Variants in ZNF532 observed in about 807,000 individuals in gnomAD.
ZNF532 encodes zinc finger protein 532.
ZNF532 carries 22 observed loss-of-function variants against 89.3 expected under a neutral mutation model. The observed-to-expected ratio is 0.25, with a 90% CI of 0.18 to 0.35. The LOEUF is 0.35. Ranked by LOEUF, ZNF532 falls within the 10% of genes least tolerant of loss-of-function variation. ZNF532 has a pLI of 1.00. For synonymous variants in ZNF532, 606 were observed against 649.6 expected, an observed-to-expected ratio of 0.93 and a Z score of 1.02; for missense variants, 1,132 against 1,643.4, an observed-to-expected ratio of 0.69 and a Z score of 5.38.
chr18:58,923,328 C>G (rs2061273369), intron 3 of ZNF532, among the ~76,000 whole-genome samples: 1 of 151,098 alleles, frequency 6.6e-6, no homozygotes, highest in Non-Finnish European at 1.5e-5. Flanking sequence ...CTCACTGGAT[C>G]TAGAATGCTT....
intron 2 of ZNF532, among the ~76,000 whole-genome samples, chr18:58,881,140 C>T (rs184284944): frequency 1.3e-5 from 2 of 149,856 alleles, no homozygotes; most frequent in East Asian, 3.9e-4. Context: ...CTCGCTCTGT[C>T]GCCCGGGCTG....
intron 7 of ZNF532, among the ~76,000 whole-genome samples, chr18:58,969,905 G>C (rs2066299240): frequency 2.6e-5 from 3 of 116,004 alleles, no homozygotes; most frequent in South Asian, 2.9e-4. Context: ...TTTGCCCCGA[G>C]ATGGAGTCTC....
chr18:58,948,846 C>T lies in ZNF532; in HGVS notation c.2868+617C>T, dbSNP rs146452616. Among the ~76,000 whole-genome samples the T allele has an allele frequency of 1.3e-4, 20 of 152,242 alleles. No homozygotes were observed. The East Asian group carries it at 3.3e-3, about 25-fold the overall frequency. On this transcript the variant is annotated intron_variant, in intron 6 of 9. Coordinates refer to ENST00000591808, the MANE Select transcript of ZNF532 (RefSeq NM_001375912.1). ...TGCTGGGATTATAGGCATGAGCCAC[C>T]GCGCCTGGCCGAAGTTTTTCTTTTC...
In ZNF532 at chr18:58,919,430, G is replaced by A; in HGVS notation, c.1143G>A (p.Leu381=). The A allele has an allele frequency of 6.2e-7, 1 of 1,614,232 alleles. No homozygotes were observed. ...TCAAGAGAACAGTGACCAGGGTATT[G>A]CCAGAAGTGGATCTTGACTCTGGAA... ...GEIKRTVTRV[L]PEVDLDSGKK... is the part of the protein sequence containing the mutation. Residue 381 remains leucine, a synonymous_variant, in exon 3 of 10, where the codon TTG becomes TTA. Coordinates refer to ENST00000591808, the MANE Select transcript of ZNF532 (RefSeq NM_001375912.1). This position sits in a 1 kb window ranked among gnomAD's most constrained non-coding sequence, Gnocchi z 6.1.
At chr18:58,886,896 G>T (rs952241880) in intron 2 of ZNF532, among the ~76,000 whole-genome samples, 1 of 152,180 alleles carries the variant, frequency 6.6e-6, no homozygotes, top group African/African-American at 2.4e-5. Flanking sequence ...TTGGTTGTGG[G>T]TATGCTATTA....
chr18:58,931,772 AC>A (rs1222900279), intron 3 of ZNF532: 1 of 151,584 alleles, frequency 6.6e-6, no homozygotes. Context: ...CCCTGTCTGT[AC>A]AAAAAAAAAA....
chr18:58,928,440 G>A lies in ZNF532; in HGVS notation c.2347-5993G>A, dbSNP rs78657263. On this transcript the variant is annotated intron_variant, in intron 3 of 9. Transcript: ENST00000591808. ...TATGCTCAGTGACCCCCAAGAGCAGGTCTCTGGTAAGAGCTGTGTTGGAAT... is the reference window on the plus strand; with the variant it reads ...TATGCTCAGTGACCCCCAAGAGCAGATCTCTGGTAAGAGCTGTGTTGGAAT... 4.8e-3 allele frequency among the ~76,000 whole-genome samples: 729 copies of A among 152,332 alleles called. 7 individuals carry two copies. The highest frequency in any genetic ancestry group is 0.017 in the African/African-American group (700 of 41,556).
At chr18:58,869,014 A>T (rs2056736557) in intron 2 of ZNF532, among the ~76,000 whole-genome samples, 7 of 152,226 alleles carry the variant, frequency 4.6e-5, no homozygotes, top group African/African-American at 1.7e-4. Context: ...GTTTTAATAC[A>T]GTGGTAACTA....
intron 3 of ZNF532, among the ~76,000 whole-genome samples, chr18:58,928,251 T>A (rs2061684847): frequency 6.6e-6 from 1 of 152,138 alleles, no homozygotes; most frequent in Non-Finnish European, 1.5e-5. Context: ...GCCTTTAGCC[T>A]TCTGAGACTG....
At chr18:58,881,913 A>G (rs1433870538) in intron 2 of ZNF532, among the ~76,000 whole-genome samples, 1 of 152,196 alleles carries the variant, frequency 6.6e-6, no homozygotes, top group Non-Finnish European at 1.5e-5. Context: ...TTACAATACA[A>G]ATAGCTTCTT....
At chr18:58,888,726 AATTATATATATATATTTTATATATATAT>A in intron 2 of ZNF532, among the ~76,000 whole-genome samples, 1 of 53,302 alleles carries the variant, frequency 1.9e-5, no homozygotes, top group East Asian at 1.2e-3. Context: ...TATATATATA[AATTATATATATATATTTTATATATATAT>A]AAAATTAATA....
intron 5 of ZNF532, chr18:58,939,925 G>A (rs557644733): frequency 1.2e-4 from 22 of 188,968 alleles, no homozygotes; most frequent in South Asian, 5.3e-4. Flanking sequence ...CAAGAGTCTC[G>A]CTCTGTCGCC....
chr18:58,917,761 GT>G (rs1212069531), intron 2 of ZNF532, among the ~76,000 whole-genome samples: 3 of 151,908 alleles, frequency 2.0e-5, no homozygotes, highest in Middle Eastern at 3.2e-3. Flanking sequence ...TGCAGTAGCT[GT>G]GGATGCTGAT....
rs1027035845 is a variant in ZNF532 at position 58,865,252 on chromosome 18, A to T, written c.-261A>T. 6.6e-6 allele frequency: 1 copy of T among 151,988 alleles called. No homozygotes were observed. Among genetic ancestry groups the T allele is most frequent in the African/African-American group, 2.4e-5 (1 of 41,364 alleles). The allele number at this position is 151,988 out of a possible 1,614,324, so 9.4% of individuals were successfully genotyped here. On this transcript the variant is annotated 5_prime_UTR_variant, in exon 1 of 10. Transcript: ENST00000591808. ...AATGAACTGAGGGGTTTGTAATGGTAGTTTGTTTGTTGCTGGAGAATGCTA... is the reference window on the plus strand; with the variant it reads ...AATGAACTGAGGGGTTTGTAATGGTTGTTTGTTTGTTGCTGGAGAATGCTA...
chr18:58,863,715 G>T, upstream of ZNF532: 1 of 152,316 alleles, frequency 6.6e-6, no homozygotes, highest in South Asian at 1.9e-4. Flanking sequence ...CAGACGCCCG[G>T]GCTTGACCGC....
chr18:58,922,595 C>T (rs1196613174), intron 3 of ZNF532, among the ~76,000 whole-genome samples: 1 of 152,202 alleles, frequency 6.6e-6, no homozygotes, highest in Non-Finnish European at 1.5e-5. Flanking sequence ...TGGATGTCCT[C>T]CCATCTTGAC....
intron 2 of ZNF532, among the ~76,000 whole-genome samples, chr18:58,868,472 C>G (rs1395789971): frequency 1.3e-5 from 2 of 152,216 alleles, no homozygotes; most frequent in Admixed American, 6.5e-5. Context: ...CTTGCCGCCC[C>G]TCTGTAGTCA....
chr18:58,871,985 C>T (rs1003972765), intron 2 of ZNF532, among the ~76,000 whole-genome samples: 43 of 152,200 alleles, frequency 2.8e-4, no homozygotes, highest in African/African-American at 1.0e-3. Flanking sequence ...AATAAATAAA[C>T]ACAGTTTAAA....
At position 58,948,259 on chromosome 18, in the gene ZNF532, T is replaced by C. The variant is rs146614542; in HGVS notation, c.2868+30T>C. 2.5e-4 allele frequency: 400 copies of C among 1,575,354 alleles called. 3 individuals carry two copies. The African/African-American group carries it at 4.6e-3, about 18-fold the overall frequency. On this transcript the variant is annotated intron_variant, in intron 6 of 9. Coordinates refer to ENST00000591808, the MANE Select transcript of ZNF532 (RefSeq NM_001375912.1). ...GTGTGCATCTATCCTCTACTTTAAATGAATTGCAGATCCATTCATTGGTCA... is the reference window on the plus strand; with the variant it reads ...GTGTGCATCTATCCTCTACTTTAAACGAATTGCAGATCCATTCATTGGTCA...
Sources: gnomAD v4.1 joint callset for allele counts (sites outside exome capture counted in the v4.1 genomes callset) on GRCh38, gnomAD v4.1.1 for gene constraint, Gnocchi (gnomAD v3.1) non-coding constraint, MANE v1.5 for transcripts, NCBI Gene and HGNC (gene_info 2026-07-23, HGNC 2026-07-21) for gene names.